The following ANKRD6 variants were observed in gnomAD, a reference collection of about 807,000 sequenced individuals.
ANKRD6 encodes the protein ankyrin repeat domain-containing protein 6.
ANKRD6 carries 56 observed loss-of-function variants against 82.3 expected under a neutral mutation model. The observed-to-expected ratio is 0.68, with a 90% CI of 0.55 to 0.85. ANKRD6 has a LOEUF of 0.85. Among genes scored for constraint, ANKRD6 ranks in the 40% least tolerant of loss-of-function variants. ANKRD6 has a pLI of 0.00. For synonymous variants in ANKRD6, 347 were observed against 352.1 expected, an observed-to-expected ratio of 0.99 and a Z score of 0.16; for missense variants, 852 against 907.6, an observed-to-expected ratio of 0.94 and a Z score of 0.79.
At chr6:89,574,945 A>G (rs1294671343) in intron 2 of ANKRD6, among the ~76,000 whole-genome samples, 1 of 152,244 alleles carries the variant, frequency 6.6e-6, no homozygotes, top group Non-Finnish European at 1.5e-5. Context: ...TGAGGACCCA[A>G]AAATGCAGGG....
In ANKRD6 at chr6:89,502,629, T is replaced by C. The variant is rs535253133; in HGVS notation, c.-143-64205T>C. Among the ~76,000 whole-genome samples the C allele has an allele frequency of 3.2e-3, 480 of 152,362 alleles. 4 individuals carry two copies. The highest frequency in any genetic ancestry group is 0.011 in the African/African-American group (456 of 41,582). On this transcript the variant is annotated intron_variant, in intron 1 of 15. Transcript: ENST00000339746. The stretch of plus-strand genomic sequence containing the variant: ...GGGCCAATGAATACTTTTTAAAAAG[T>C]TGGCTTTTAAAGCATATGCAGATTT...
chr6:89,491,979 C>T (rs985431422), intron 1 of ANKRD6, among the ~76,000 whole-genome samples: 3 of 152,180 alleles, frequency 2.0e-5, no homozygotes, highest in Non-Finnish European at 2.9e-5. Context: ...TCCACTTCTT[C>T]ATCATACCCA....
At chr6:89,443,447 A>G (rs1034800470) in intron 1 of ANKRD6, among the ~76,000 whole-genome samples, 2 of 152,170 alleles carry the variant, frequency 1.3e-5, no homozygotes, top group Non-Finnish European at 2.9e-5. Context: ...CCAGATTCTG[A>G]TGAGGTGACC....
intron 1 of ANKRD6, among the ~76,000 whole-genome samples, chr6:89,475,272 A>G (rs779977204): frequency 6.6e-6 from 1 of 152,202 alleles, no homozygotes; most frequent in Non-Finnish European, 1.5e-5. Context: ...TTTCTTACTT[A>G]AGCAAAAATA....
chr6:89,615,577 G>A (rs1801362565), intron 7 of ANKRD6, among the ~76,000 whole-genome samples: 1 of 152,194 alleles, frequency 6.6e-6, no homozygotes, highest in East Asian at 1.9e-4. Flanking sequence ...AAGCTCTGAA[G>A]CTTATTCCAA....
chr6:89,520,240 C>T (rs1781731890), intron 1 of ANKRD6, among the ~76,000 whole-genome samples: 1 of 152,228 alleles, frequency 6.6e-6, no homozygotes, highest in Admixed American at 6.5e-5. Flanking sequence ...CCACCTTGGC[C>T]TCCCAAAGTG....
chr6:89,456,567 T>G (rs1220629133), intron 1 of ANKRD6, among the ~76,000 whole-genome samples: 2 of 152,200 alleles, frequency 1.3e-5, no homozygotes, highest in Non-Finnish European at 2.9e-5. Flanking sequence ...CATTTTAACT[T>G]AATTACCTCT....
intron 1 of ANKRD6, among the ~76,000 whole-genome samples, chr6:89,501,188 C>T (rs943038246): frequency 6.6e-6 from 1 of 152,116 alleles, no homozygotes; most frequent in Admixed American, 6.5e-5. Flanking sequence ...TAATTTGTAC[C>T]TGCAAAATCA....
At chr6:89,621,151 C>T (rs1803129181) in intron 9 of ANKRD6, 1 of 152,174 alleles carries the variant, frequency 6.6e-6, no homozygotes, top group Non-Finnish European at 1.5e-5. Flanking sequence ...CTCAAGCAGT[C>T]CTCCCACTTT....
intron 1 of ANKRD6, among the ~76,000 whole-genome samples, chr6:89,491,213 T>G (rs1221761503): frequency 2.6e-5 from 4 of 152,208 alleles, no homozygotes; most frequent in African/African-American, 7.2e-5. Context: ...ACATTTGTGG[T>G]AATCTGTTAT....
At chr6:89,620,482 C>G (rs1278749846) in intron 9 of ANKRD6, among the ~76,000 whole-genome samples, 1 of 152,196 alleles carries the variant, frequency 6.6e-6, no homozygotes, top group African/African-American at 2.4e-5. Context: ...TTTCACCATA[C>G]TTGATTTCCT....
At chr6:89,487,245 T>C (rs1777481362) in intron 1 of ANKRD6, among the ~76,000 whole-genome samples, 1 of 152,226 alleles carries the variant, frequency 6.6e-6, no homozygotes, top group Admixed American at 6.5e-5. Flanking sequence ...TTACATAAAA[T>C]AAGCATTTAG....
intron 3 of ANKRD6, chr6:89,598,524 G>A (rs1019854408): frequency 4.6e-5 from 24 of 521,268 alleles, no homozygotes; most frequent in South Asian, 1.6e-4. Context: ...TTGAAGAGGC[G>A]CACACTGCAC....
intron 1 of ANKRD6, among the ~76,000 whole-genome samples, chr6:89,435,918 T>A (rs1770583586): frequency 1.3e-5 from 2 of 152,214 alleles, no homozygotes; most frequent in Admixed American, 1.3e-4. Flanking sequence ...TTCTTCAAGG[T>A]CACATGGCTT....
chr6:89,556,146 A>G (rs1398256044), intron 1 of ANKRD6, among the ~76,000 whole-genome samples: 1 of 152,260 alleles, frequency 6.6e-6, no homozygotes, highest in Admixed American at 6.5e-5. Context: ...CTCCTACTGC[A>G]TTGCAGCTCA....
In ANKRD6 at chr6:89,631,006, A is replaced by ACCCTAAATTT; in HGVS notation, c.*4_*5insCTAAATTTCC. 1.3e-6 allele frequency: 2 copies of ACCCTAAATTT among 1,509,438 alleles called. No homozygotes were observed. The allele number at this position is 1,509,438 out of a possible 1,614,324, so 93.5% of individuals were successfully genotyped here. A position where few individuals can be genotyped will look rare whatever the true frequency, so the allele number is the denominator to read the frequency against. On this transcript the variant is annotated 3_prime_UTR_variant, in exon 16 of 16. Coordinates refer to ENST00000339746, the MANE Select transcript of ANKRD6 (RefSeq NM_001242809.2). ...ACTAGGGTGCAGAAGGAAAATTAGC[A>ACCCTAAATTT]CCAATAAAGAGGAAATATGAAAGGA... is the stretch of plus-strand genomic sequence containing the variant.
At chr6:89,458,705 A>G (rs528475212) in intron 1 of ANKRD6, among the ~76,000 whole-genome samples, 2 of 152,256 alleles carry the variant, frequency 1.3e-5, no homozygotes, top group Admixed American at 1.3e-4. Context: ...ACCCAGATTG[A>G]GGGTGGATCT....
chr6:89,618,401 C>T (rs902853252), intron 9 of ANKRD6: 2 of 574,544 alleles, frequency 3.5e-6, no homozygotes, highest in African/African-American at 3.7e-5. Context: ...GGGACAGGGA[C>T]TTTAAGAAGA....
At chr6:89,524,972 A>G (rs901796288) in intron 1 of ANKRD6, among the ~76,000 whole-genome samples, 3 of 151,426 alleles carry the variant, frequency 2.0e-5, no homozygotes, top group African/African-American at 7.3e-5. Flanking sequence ...CATTTCCTTG[A>G]TAATTAGTGA....
Sources: allele counts gnomAD v4.1 joint callset (sites outside exome capture counted in the v4.1 genomes callset), GRCh38; gene constraint gnomAD v4.1.1; transcripts MANE v1.5; gene names NCBI Gene and HGNC (gene_info 2026-07-23, HGNC 2026-07-21).